FRK: variants seen among roughly 807,000 people sequenced by gnomAD.
The protein encoded by FRK is tyrosine-protein kinase FRK.
FRK carries 51 observed loss-of-function variants against 56.4 expected under a neutral mutation model. The ratio of observed to expected loss-of-function variants is 0.90; its 90% CI spans 0.72 to 1.14. The LOEUF is 1.14. FRK is among the 50% of genes most tolerant of loss of function. The pLI is 0.00. For synonymous variants in FRK, 245 were observed against 217.9 expected, an observed-to-expected ratio of 1.12 and a Z score of -1.10; for missense variants, 570 against 601.4, an observed-to-expected ratio of 0.95 and a Z score of 0.55.
chr6:115,974,456 G>A (rs1268139537), intron 2 of FRK, among the ~76,000 whole-genome samples: 1 of 152,126 alleles, frequency 6.6e-6, no homozygotes, highest in Non-Finnish European at 1.5e-5. Flanking sequence ...CTTGGCAATA[G>A]CACCTAGAGT....
chr6:116,039,162 C>A, intron 1 of FRK: 1 of 1,062,642 alleles, frequency 9.4e-7, no homozygotes, highest in Non-Finnish European at 1.5e-6. Flanking sequence ...AGGGAAGTGG[C>A]ATCACTGAGA....
chr6:115,973,687 T>A (rs1407746299), intron 2 of FRK, among the ~76,000 whole-genome samples: 1 of 152,120 alleles, frequency 6.6e-6, no homozygotes. Context: ...CTGGCCAATA[T>A]GGCAAAACCC....
chr6:115,942,507 C>T lies in FRK; in HGVS notation c.1425G>A (p.Lys475=). 6.2e-7 allele frequency: 1 copy of T among 1,613,784 alleles called. No individual in the cohort carries two copies. The highest frequency in any genetic ancestry group is 8.5e-7 in the Non-Finnish European group (1 of 1,179,782). Residue 475 remains lysine, a synonymous_variant, in exon 8 of 8, where the codon AAG becomes AAA. Coordinates refer to ENST00000606080, the MANE Select transcript of FRK (RefSeq NM_002031.3). ...IMLECWNAEP[K]ERPTFETLRW... ...GCAGTGTCTCAAATGTAGGTCGTTC[C>T]TTAGGCTCTGCATTCCAGCACTCCA...
rs143355297 is a variant in FRK at position 115,955,406 on chromosome 6, ACC to A, written c.958+1044_958+1045del. On this transcript the variant is annotated intron_variant, in intron 5 of 7. Transcript: ENST00000606080. ...TATAAAGCATTTTTTGTTAGCTATG[ACC>A]CAAGACCACTTCTGCACTTTGTCCT... Among the ~76,000 whole-genome samples the A allele has an allele frequency of 6.5e-3, 995 of 152,302 alleles. 8 individuals carry two copies. Among genetic ancestry groups the A allele is most frequent in the African/African-American group, 0.021 (877 of 41,572 alleles).
At chr6:115,950,225 C>T (rs1427486873) in intron 5 of FRK, among the ~76,000 whole-genome samples, 1 of 152,056 alleles carries the variant, frequency 6.6e-6, no homozygotes, top group East Asian at 1.9e-4. Context: ...CAAAAGAAAC[C>T]ATCATCAGAG....
At chr6:115,998,798 A>G (rs962726398) in intron 2 of FRK, among the ~76,000 whole-genome samples, 4 of 152,008 alleles carry the variant, frequency 2.6e-5, no homozygotes, top group African/African-American at 9.7e-5. Flanking sequence ...GTATATGTCA[A>G]CTCCTAGATG....
chr6:115,953,440 C>T (rs567951503), intron 5 of FRK, among the ~76,000 whole-genome samples: 46 of 152,108 alleles, frequency 3.0e-4, no homozygotes, highest in Non-Finnish European at 5.1e-4. Flanking sequence ...CCGCCCGCCT[C>T]GGCCTCCCAA....
chr6:116,086,064 G>A, the FRK span, among the ~76,000 whole-genome samples: 2 of 151,066 alleles, frequency 1.3e-5, no homozygotes, highest in Admixed American at 6.6e-5. Context: ...GGAGTGCAGT[G>A]GCATGATCTC....
chr6:116,041,807 C>T (rs956142840), intron 1 of FRK, among the ~76,000 whole-genome samples: 3 of 152,198 alleles, frequency 2.0e-5, no homozygotes, highest in African/African-American at 7.2e-5. Flanking sequence ...GTTTGAAGCA[C>T]AAAACTGGGC....
chr6:116,064,906 C>A (rs1777731249), upstream of FRK, among the ~76,000 whole-genome samples: 1 of 152,158 alleles, frequency 6.6e-6, no homozygotes, highest in African/African-American at 2.4e-5. Flanking sequence ...TTTATTAGAT[C>A]TCCCATATGC....
chr6:115,944,484 G>T, intron 5 of FRK, 59 bp from the exon 6 acceptor site: 4 of 1,357,408 alleles, frequency 2.9e-6, no homozygotes, highest in Non-Finnish European at 4.0e-6. Flanking sequence ...CTATGAAAGT[G>T]AATTCTGAGA....
chr6:115,963,074 C>CA (rs1773445631), intron 4 of FRK, among the ~76,000 whole-genome samples: 3 of 59,394 alleles, frequency 5.1e-5, no homozygotes, highest in Non-Finnish European at 1.0e-4. Flanking sequence ...GATAGAGACA[C>CA]AAAAAAACCT....
At chr6:115,947,779 T>C (rs1455858426) in intron 5 of FRK, among the ~76,000 whole-genome samples, 1 of 152,186 alleles carries the variant, frequency 6.6e-6, no homozygotes, top group East Asian at 1.9e-4. Flanking sequence ...AAACAAGATG[T>C]AAGCATGAAA....
Position 115,994,321 on chromosome 6 carries a change from A to ACCCCC in FRK, c.466+9555_466+9556insGGGGG, listed in dbSNP as rs1422664378. Among the ~76,000 whole-genome samples, 38 of 47,812 alleles carry ACCCCC rather than the reference A, an allele frequency of 7.9e-4. 6 individuals carry two copies. Among genetic ancestry groups the ACCCCC allele is most frequent in the East Asian group, 2.3e-3 (2 of 870 alleles). 31.4% of individuals were successfully genotyped at this position (47,812 alleles called of 152,430 possible). On this transcript the variant is annotated intron_variant, in intron 2 of 7. Transcript: ENST00000606080. The stretch of plus-strand genomic sequence containing the variant: ...GTTATTGGGTATCCAGAATCTCACA[A>ACCCCC]CCTCCCCCCCCCCCGCCTTTTTTTT...
intron 5 of FRK, among the ~76,000 whole-genome samples, chr6:115,953,215 A>T (rs1582640468): frequency 4.7e-5 from 4 of 84,502 alleles, no homozygotes; most frequent in East Asian, 4.2e-4. Context: ...TTTGAGACGG[A>T]GTCTCGCTCT....
At chr6:115,997,033 A>T (rs1364031580) in intron 2 of FRK, among the ~76,000 whole-genome samples, 1 of 152,194 alleles carries the variant, frequency 6.6e-6, no homozygotes, top group Non-Finnish European at 1.5e-5. Context: ...AATCATCCAT[A>T]TTATTCAGAA....
chr6:116,072,701 T>G, the FRK span, among the ~76,000 whole-genome samples: 21 of 152,150 alleles, frequency 1.4e-4, no homozygotes, highest in African/African-American at 4.8e-4. Flanking sequence ...ACTGACCTGA[T>G]AGGTACATAT....
chr6:116,016,856 T>C (rs1280549034), intron 1 of FRK, among the ~76,000 whole-genome samples: 4 of 152,146 alleles, frequency 2.6e-5, no homozygotes, highest in Non-Finnish European at 4.4e-5. Flanking sequence ...TTAAAACCCA[T>C]GTAAATGCCA....
At chr6:115,946,537 A>C (rs1470622520) in intron 5 of FRK, among the ~76,000 whole-genome samples, 1 of 152,220 alleles carries the variant, frequency 6.6e-6, no homozygotes, top group African/African-American at 2.4e-5. Flanking sequence ...GATACACATG[A>C]ATTACCTATG....
Sources: allele counts gnomAD v4.1 joint callset (sites outside exome capture counted in the v4.1 genomes callset), GRCh38; gene constraint gnomAD v4.1.1; transcripts MANE v1.5; gene names NCBI Gene and HGNC (gene_info 2026-07-23, HGNC 2026-07-21).